Variants in RIMKLB observed in about 807,000 individuals in gnomAD.
RIMKLB encodes ribosomal modification protein rimK like family member B.
RIMKLB carries 7 observed loss-of-function variants against 32.0 expected under a neutral mutation model. The observed-to-expected ratio is 0.22, with a 90% confidence interval of 0.12 to 0.41. The LOEUF (loss-of-function observed/expected upper bound fraction) is 0.41, where lower values mean the gene tolerates loss of function less well. Ranked by LOEUF, RIMKLB falls within the 10% of genes least tolerant of loss-of-function variation. The pLI, the probability that RIMKLB is intolerant of heterozygous loss-of-function variation, is 1.00. For missense variants in RIMKLB, 289 were observed against 498.7 expected (o/e 0.58, Z 4.00); for synonymous variants, 172 against 185.1 (o/e 0.93, Z 0.57).
At position 8,714,279 on chromosome 12, in the gene RIMKLB, A is replaced by C. The variant is rs545686931; in HGVS notation, c.175+238A>C. On this transcript the variant is annotated intron_variant, in intron 2 of 5. Transcript: ENST00000535829. ...TTCAAAACAGATAAACAATAAAACA[A>C]AGTAGGCGCATATCTGTAGTTCCAG... The C allele has an allele frequency of 8.0e-6, 3 of 373,850 alleles. No individual in the cohort carries two copies. In the South Asian group the frequency reaches 1.1e-4, roughly 14 times the overall value. 23.2% of individuals were successfully genotyped at this position (373,850 alleles called of 1,614,324 possible). A position where few individuals can be genotyped will look rare whatever the true frequency, so the allele number is the denominator to read the frequency against.
Position 8,774,494 on chromosome 12 carries a change from A to G in RIMKLB, c.*710A>G. 1 of 982,134 alleles carries G rather than the reference A, an allele frequency of 1.0e-6. No homozygotes were observed. Among genetic ancestry groups the G allele is most frequent in the Non-Finnish European group, 1.2e-6 (1 of 826,674 alleles). The allele number at this position is 982,134 out of a possible 1,614,324, so 60.8% of individuals were successfully genotyped here. ...ATTAATTCAATGTAGATAAAATTAC[A>G]CTAGTTTAAAATATGTGCATTCACT... is the stretch of plus-strand genomic sequence containing the variant. On this transcript the variant is annotated 3_prime_UTR_variant, in exon 6 of 6. Transcript: ENST00000535829.
chr12:8,711,798 C>T, intron 1 of RIMKLB, among the ~76,000 whole-genome samples: 1 of 152,140 alleles, frequency 6.6e-6, no homozygotes, highest in East Asian at 1.9e-4. Context: ...TCCCAAGTGG[C>T]CTGGAAGGCA....
intron 2 of RIMKLB, among the ~76,000 whole-genome samples, chr12:8,743,466 C>T (rs1229309758): frequency 2.0e-5 from 3 of 151,368 alleles, no homozygotes; most frequent in East Asian, 1.9e-4. Flanking sequence ...TTTGTCTGTT[C>T]CTTGATTCCT....
At chr12:8,764,078 G>A (rs907244685) in intron 5 of RIMKLB, among the ~76,000 whole-genome samples, 13 of 152,120 alleles carry the variant, frequency 8.5e-5, no homozygotes, top group African/African-American at 3.1e-4. Flanking sequence ...TCCACTGTCC[G>A]TTGGGTTTCT....
upstream of RIMKLB, chr12:8,679,557 A>G (rs1942365389): frequency 6.2e-6 from 1 of 162,292 alleles, no homozygotes; most frequent in Non-Finnish European, 1.4e-5. Flanking sequence ...CTTTTGCTTC[A>G]GAAGTTTCCA....
chr12:8,780,539 A>G (rs1950970506), downstream of RIMKLB: 1 of 152,216 alleles, frequency 6.6e-6, no homozygotes, highest in Non-Finnish European at 1.5e-5. Flanking sequence ...TCTGAATGGT[A>G]AGCAAGAACT....
At chr12:8,705,552 AAAG>A (rs923619636) in intron 1 of RIMKLB, among the ~76,000 whole-genome samples, 22 of 152,056 alleles carry the variant, frequency 1.4e-4, no homozygotes, top group South Asian at 6.2e-4. Context: ...GTAAACAGTG[AAAG>A]AAGGATGGAA....
intron 7 of RIMKLB, among the ~76,000 whole-genome samples, chr12:8,782,417 AT>A (rs1182641909): frequency 7.9e-5 from 12 of 152,178 alleles, no homozygotes; most frequent in Admixed American, 4.6e-4. Context: ...ACACACACAT[AT>A]ATATATTTAA....
intron 4 of RIMKLB, among the ~76,000 whole-genome samples, chr12:8,752,925 T>C (rs1229499101): frequency 2.0e-5 from 3 of 152,066 alleles, no homozygotes; most frequent in African/African-American, 7.2e-5. Context: ...TTTCTATTTT[T>C]AGTAGAGACG....
intron 5 of RIMKLB, among the ~76,000 whole-genome samples, chr12:8,770,638 C>T (rs1484874106): frequency 6.6e-6 from 1 of 152,246 alleles, no homozygotes; most frequent in South Asian, 2.1e-4. Flanking sequence ...TCTGTTAATA[C>T]AAAAAATACA....
Position 8,749,849 on chromosome 12 carries a change from T to A in RIMKLB, c.176-13T>A. 1 of 1,554,918 alleles carries A rather than the reference T, an allele frequency of 6.4e-7. No homozygotes were observed. Among genetic ancestry groups the A allele is most frequent in the Non-Finnish European group, 8.9e-7 (1 of 1,128,842 alleles). On this transcript the variant is annotated splice_polypyrimidine_tract_variant and intron_variant, in intron 2 of 5. Transcript: ENST00000535829. ...CCCTCTAATTGTGTTGGTCTTGTAT[T>A]TATATATTTCAGGTCTGCGGATCAA...
intron 3 of RIMKLB, 98 bp downstream of exon 3, chr12:8,750,190 CTT>C (rs1178545705): frequency 4.3e-5 from 30 of 693,228 alleles, no homozygotes; most frequent in Non-Finnish European, 6.6e-5. Context: ...ATAGAAGTGT[CTT>C]TCAGTTTTAA....
At chr12:8,761,261 G>C (rs1949493358) in intron 5 of RIMKLB, among the ~76,000 whole-genome samples, 1 of 146,850 alleles carries the variant, frequency 6.8e-6, no homozygotes, top group Non-Finnish European at 1.5e-5. Flanking sequence ...GAGAGGGTGA[G>C]GGGGAGATAG....
chr12:8,676,430 G>C, the RIMKLB span, among the ~76,000 whole-genome samples: 8 of 92,370 alleles, frequency 8.7e-5, no homozygotes, highest in African/African-American at 3.5e-4. Flanking sequence ...ACAGAGTCTT[G>C]CTCTGTTGCC....
intron 2 of RIMKLB, among the ~76,000 whole-genome samples, chr12:8,731,943 A>T (rs2137304926): frequency 6.6e-6 from 1 of 152,122 alleles, no homozygotes; most frequent in East Asian, 1.9e-4. Context: ...TGTTTTTCTT[A>T]CTTTTTTCAT....
At chr12:8,720,479 ATAAAC>A (rs1431784923) in intron 2 of RIMKLB, among the ~76,000 whole-genome samples, 1 of 152,188 alleles carries the variant, frequency 6.6e-6, no homozygotes, top group African/African-American at 2.4e-5. Context: ...ATTAAAGACT[ATAAAC>A]TATACTAAGC....
intron 5 of RIMKLB, among the ~76,000 whole-genome samples, chr12:8,767,975 G>T (rs1238786150): frequency 1.3e-5 from 2 of 152,132 alleles, no homozygotes; most frequent in Admixed American, 6.5e-5. Context: ...TTACCAGGGG[G>T]TCCTTGTGCC....
At chr12:8,685,979 T>TG (rs1187986070) in intron 1 of RIMKLB, among the ~76,000 whole-genome samples, 1 of 152,156 alleles carries the variant, frequency 6.6e-6, no homozygotes, top group Non-Finnish European at 1.5e-5. Flanking sequence ...GGCTAATTTT[T>TG]GTATTTTCAG....
chr12:8,757,014 C>T (rs1329259935), intron 5 of RIMKLB, among the ~76,000 whole-genome samples: 6 of 152,062 alleles, frequency 3.9e-5, no homozygotes, highest in African/African-American at 7.2e-5. Flanking sequence ...TGACTTCTGC[C>T]TCCTTGAATT....
Sources: gnomAD v4.1 joint callset for allele counts (sites outside exome capture counted in the v4.1 genomes callset) on GRCh38, gnomAD v4.1.1 for gene constraint, MANE v1.5 for transcripts, NCBI Gene and HGNC (gene_info 2026-07-23, HGNC 2026-07-21) for gene names.